RC3H1: variants seen among roughly 807,000 people sequenced by gnomAD.
The protein encoded by RC3H1 is roquin-1.
Under a neutral mutation model 138.2 loss-of-function variants are expected in RC3H1, and 50 were observed. That is an observed-to-expected ratio of 0.36 (90% confidence interval 0.29 to 0.46). RC3H1 has a LOEUF of 0.46. Ranked by LOEUF, RC3H1 falls within the 20% of genes least tolerant of loss-of-function variation. The pLI, the probability that RC3H1 is intolerant of heterozygous loss-of-function variation, is 1.00. For synonymous variants in RC3H1, 462 were observed against 489.1 expected (o/e 0.94, Z 0.73); for missense variants, 1,031 against 1,388.1 (o/e 0.74, Z 4.09).
At chr1:173,955,292 C>T (rs913383578) in intron 13 of RC3H1, among the ~76,000 whole-genome samples, 1 of 142,414 alleles carries the variant, frequency 7.0e-6, no homozygotes, top group African/African-American at 2.7e-5. Flanking sequence ...ACAACAACAA[C>T]ATCACGTTTG....
At chr1:173,972,395 A>C in intron 8 of RC3H1, 114 bp downstream of exon 8, 1 of 682,574 alleles carries the variant, frequency 1.5e-6, no homozygotes, top group Non-Finnish European at 2.7e-6. Flanking sequence ...GAGTCTCAAA[A>C]TGTTCATGTT....
chr1:173,986,482 A>G (rs1203383400), intron 2 of RC3H1, among the ~76,000 whole-genome samples: 1 of 151,862 alleles, frequency 6.6e-6, no homozygotes, highest in Non-Finnish European at 1.5e-5. Flanking sequence ...GTCCCACTAC[A>G]TTGCCCAGAC....
At chr1:174,012,009 G>A (rs1338218462) in intron 1 of RC3H1, among the ~76,000 whole-genome samples, 6 of 152,082 alleles carry the variant, frequency 3.9e-5, no homozygotes, top group East Asian at 3.8e-4. Context: ...CGAGAAGTTC[G>A]AGACCAGCCT....
In RC3H1 at chr1:173,972,561, C is replaced by T; in HGVS notation, c.1169G>A (p.Gly390Glu). ...GTGGTTCTGGATATAATCAACCAGC[C>T]CATGTACCACTGTACGCACAGCAAC... ...GLVAVRTVVH[G>E]LVDYIQNHSK... Residue 390 changes from glycine (G) to glutamate (E), a missense_variant, in exon 8 of 20, where the codon GGG becomes GAG. Transcript: ENST00000367696. 1 of 1,614,084 alleles carries T rather than the reference C, an allele frequency of 6.2e-7. No individual in the cohort carries two copies.
chr1:173,980,818 A>AAT lies in RC3H1; in HGVS notation c.958_959dup (p.Ile321LeufsTer18). On this transcript the variant is annotated frameshift_variant, in exon 6 of 20. Transcript: ENST00000367696. LOFTEE classifies it high-confidence loss of function. ...ACAAAAAAGGTCCTACCTTGTCAAT[A>AAT]ATGGACTGCATATGAGATTTGTGAG... 6.2e-7 allele frequency: 1 copy of AAT among 1,613,482 alleles called. No homozygotes were observed. Among genetic ancestry groups the AAT allele is most frequent in the Non-Finnish European group, 8.5e-7 (1 of 1,179,426 alleles).
intron 8 of RC3H1, among the ~76,000 whole-genome samples, chr1:173,972,218 T>C (rs1200953268): frequency 2.3e-4 from 35 of 152,192 alleles, no homozygotes; most frequent in Admixed American, 2.3e-3. Flanking sequence ...ACTTCAGCAC[T>C]GAATCCATTT....
intron 8 of RC3H1, among the ~76,000 whole-genome samples, chr1:173,972,018 T>C (rs572439262): frequency 1.3e-5 from 2 of 152,066 alleles, no homozygotes; most frequent in Non-Finnish European, 2.9e-5. Context: ...TCTAAAAACT[T>C]TGAGGGAGAT....
intron 1 of RC3H1, among the ~76,000 whole-genome samples, chr1:174,008,710 C>T (rs1169596997): frequency 6.6e-6 from 1 of 152,100 alleles, no homozygotes; most frequent in Non-Finnish European, 1.5e-5. Flanking sequence ...GGTGTGGTGA[C>T]TCACACCTGT....
chr1:174,004,262 C>T (rs1488804897), intron 1 of RC3H1, among the ~76,000 whole-genome samples: 1 of 151,658 alleles, frequency 6.6e-6, no homozygotes, highest in Non-Finnish European at 1.5e-5. Flanking sequence ...TAGGTGTGCA[C>T]CAACACACCT....
rs571482330 is a variant in RC3H1, at chr1:174,011,452, A to C, written c.-151+10644T>G. ...ATAAAATATGGGTTTTAAAAGTAGT[A>C]ATTACAGGGAAAGCATTTCTAAATG... is the stretch of plus-strand genomic sequence containing the variant. On this transcript the variant is annotated intron_variant, in intron 1 of 19. Transcript: ENST00000367696. 2.6e-5 allele frequency among the ~76,000 whole-genome samples: 4 copies of C among 152,224 alleles called. No individual in the cohort carries two copies. In the South Asian group the frequency reaches 8.3e-4, roughly 32 times the overall value.
chr1:174,021,520 C>G (rs1661959957), intron 1 of RC3H1, among the ~76,000 whole-genome samples: 1 of 151,838 alleles, frequency 6.6e-6, no homozygotes, highest in Non-Finnish European at 1.5e-5. Flanking sequence ...CCTGCACACA[C>G]ACAATTTTCC....
At chr1:173,948,247 G>A (rs926402068) in intron 14 of RC3H1, among the ~76,000 whole-genome samples, 1 of 152,096 alleles carries the variant, frequency 6.6e-6, no homozygotes, top group African/African-American at 2.4e-5. Flanking sequence ...ATTTGAACTG[G>A]TAAGTCCCTT....
chr1:173,986,855 C>T (rs1251655994), intron 2 of RC3H1, among the ~76,000 whole-genome samples: 3 of 152,188 alleles, frequency 2.0e-5, no homozygotes, highest in Admixed American at 6.5e-5. Context: ...TGAGCCACTG[C>T]GCTAGCCCTT....
chr1:174,014,936 G>A (rs561026437), intron 1 of RC3H1, among the ~76,000 whole-genome samples: 1 of 152,160 alleles, frequency 6.6e-6, no homozygotes, highest in East Asian at 1.9e-4. Flanking sequence ...TTTTCCATCA[G>A]GAGCAATACT....
chr1:173,944,722 G>A (rs1315469160), intron 17 of RC3H1, among the ~76,000 whole-genome samples: 2 of 152,166 alleles, frequency 1.3e-5, no homozygotes, highest in Non-Finnish European at 2.9e-5. Flanking sequence ...TCGGCAAGAC[G>A]TTCTGAATCA....
rs1285084998 is a variant in RC3H1, at chr1:173,934,374, T to C, written c.*4347A>G. The C allele has an allele frequency of 6.6e-6, 1 of 152,208 alleles. No individual in the cohort carries two copies. The highest frequency in any genetic ancestry group is 1.5e-5 in the Non-Finnish European group (1 of 68,034). The allele number at this position is 152,208 out of a possible 1,614,324, so 9.4% of individuals were successfully genotyped here. ...GGGCACAAATGCTTATACACAATAT[T>C]ACAAAAGACGACATTCACTGGCTTA... On this transcript the variant is annotated 3_prime_UTR_variant, in exon 20 of 20. Coordinates refer to ENST00000367696, the MANE Select transcript of RC3H1 (RefSeq NM_172071.4).
chr1:173,963,910 G>T, intron 11 of RC3H1, 63 bp downstream of exon 11: 1 of 1,350,302 alleles, frequency 7.4e-7, no homozygotes, highest in South Asian at 1.2e-5. Flanking sequence ...TGATCACTCT[G>T]ACCTGAAGAA....
At chr1:173,979,797 C>T (rs1258529491) in intron 6 of RC3H1, among the ~76,000 whole-genome samples, 1 of 152,208 alleles carries the variant, frequency 6.6e-6, no homozygotes, top group Admixed American at 6.5e-5. Flanking sequence ...CTGTCCAAAC[C>T]TAAGAGTTGC....
intron 2 of RC3H1, among the ~76,000 whole-genome samples, chr1:173,986,699 A>T (rs555498164): frequency 6.6e-6 from 1 of 152,234 alleles, no homozygotes; most frequent in South Asian, 2.1e-4. Flanking sequence ...AGTAGCTGGG[A>T]TTACAGGCAT....
Sources: gnomAD v4.1 joint callset for allele counts (sites outside exome capture counted in the v4.1 genomes callset) on GRCh38, gnomAD v4.1.1 for gene constraint, MANE v1.5 for transcripts, NCBI Gene and HGNC (gene_info 2026-07-23, HGNC 2026-07-21) for gene names.